The following ANXA4 variants were observed in gnomAD, a reference collection of about 807,000 sequenced individuals.
ANXA4 encodes annexin A4.
ANXA4 carries 39 observed loss-of-function variants against 49.8 expected under a neutral mutation model. That is an observed-to-expected ratio of 0.78 (90% confidence interval 0.61 to 1.02). ANXA4 has a LOEUF of 1.02. ANXA4 is among the 50% of genes least tolerant of loss of function. The pLI is 0.00. For missense variants in ANXA4, 360 were observed against 410.1 expected, an observed-to-expected ratio of 0.88 and a Z score of 1.05; for synonymous variants, 134 against 152.5, an observed-to-expected ratio of 0.88 and a Z score of 0.89.
rs1412039137 is a variant in ANXA4, at chr2:69,816,099, A to G, written c.535-2A>G. On this transcript the variant is annotated splice_acceptor_variant, in intron 8 of 12. Coordinates refer to ENST00000394295, the MANE Select transcript of ANXA4 (RefSeq NM_001153.5). LOFTEE classifies it high-confidence loss of function. ...TTAGACCTGTGCTTTGTTTGGCTTC[A>G]GGACCTGTATGAGGCTGGAGAGAAG... 6.2e-7 allele frequency: 1 copy of G among 1,613,372 alleles called. No individual in the cohort carries two copies. The highest frequency in any genetic ancestry group is 1.7e-5 in the Admixed American group (1 of 60,018).
At chr2:69,702,588 C>T (rs7578107) in intron 2 of ANXA4, among the ~76,000 whole-genome samples, 36,269 of 151,790 alleles carry the variant, frequency 0.24, 5,265 homozygotes, top group African/African-American at 0.37. Context: ...GTGGTGTATA[C>T]CTGTGGTCTC....
chr2:69,820,722 CCTCATCAGAGTGATGGTTT>C lies in ANXA4; in HGVS notation c.811_829del (p.Ile271GlufsTer63). The stretch of plus-strand genomic sequence containing the variant: ...AGGGCTTGGGCACCGATGATAACAC[CCTCATCAGAGTGATGGTTT>C]CTCGAGCAGAAATTGACATGTTGGA... On this transcript the variant is annotated frameshift_variant, in exon 12 of 13. Transcript: ENST00000394295. LOFTEE classifies it high-confidence loss of function. The C allele has an allele frequency of 6.2e-7, 1 of 1,613,970 alleles. No homozygotes were observed. Among genetic ancestry groups the C allele is most frequent in the Non-Finnish European group, 8.5e-7 (1 of 1,179,942 alleles).
At position 69,714,649 on chromosome 2, in the gene ANXA4, G is replaced by A. The variant is rs534607057; in HGVS notation, n.767-6125G>A. Among the ~76,000 whole-genome samples the A allele has an allele frequency of 5.3e-5, 8 of 152,324 alleles. No homozygotes were observed. In the South Asian group the frequency reaches 1.7e-3, roughly 32 times the overall value. On this transcript the variant is annotated intron_variant and non_coding_transcript_variant, in intron 2 of 3. Coordinates refer to the ANXA4 transcript ENST00000418066. The stretch of plus-strand genomic sequence containing the variant: ...ATGGGAGAGGGCCTGCGTTGGGCCA[G>A]ATCCCAGAGCTGGGGCCTAATTTGT...
intron 3 of ANXA4, among the ~76,000 whole-genome samples, chr2:69,790,680 C>T (rs1243815908): frequency 6.6e-6 from 1 of 152,128 alleles, no homozygotes; most frequent in Non-Finnish European, 1.5e-5. Context: ...TCTAGTTTAC[C>T]TGGCAGGATT....
chr2:69,755,623 T>C (rs1671012951), intron 1 of ANXA4, among the ~76,000 whole-genome samples: 1 of 152,198 alleles, frequency 6.6e-6, no homozygotes, highest in South Asian at 2.1e-4. Flanking sequence ...AAAAATTTTT[T>C]TAATGGTTAA....
intron 1 of ANXA4, among the ~76,000 whole-genome samples, chr2:69,757,281 T>A (rs1162604354): frequency 1.2e-3 from 151 of 121,380 alleles, no homozygotes; most frequent in African/African-American, 5.5e-3. Context: ...TTTTTTTTTT[T>A]TTTTTTTTAG....
At chr2:69,760,501 A>G (rs1671239320) in intron 1 of ANXA4, among the ~76,000 whole-genome samples, 1 of 152,188 alleles carries the variant, frequency 6.6e-6, no homozygotes, top group Non-Finnish European at 1.5e-5. Flanking sequence ...TTAGAATGCT[A>G]TGTTTTTCTG....
At chr2:69,730,179 T>C (rs1292547879) in intron 3 of ANXA4, among the ~76,000 whole-genome samples, 1 of 151,528 alleles carries the variant, frequency 6.6e-6, no homozygotes, top group African/African-American at 2.4e-5. Flanking sequence ...ACCTCTACTT[T>C]TATTTAAAAA....
At chr2:69,789,745 T>G (rs899862748) in intron 3 of ANXA4, among the ~76,000 whole-genome samples, 5 of 152,182 alleles carry the variant, frequency 3.3e-5, no homozygotes, top group Non-Finnish European at 5.9e-5. Flanking sequence ...GCCTTCTATA[T>G]AGAGCAGAGT....
intron 2 of ANXA4, among the ~76,000 whole-genome samples, chr2:69,786,872 C>T (rs192105059): frequency 2.0e-4 from 30 of 152,212 alleles, no homozygotes; most frequent in African/African-American, 7.0e-4. Flanking sequence ...CAGGCCTGTG[C>T]CACCATGTGT....
At chr2:69,802,858 CA>C (rs1028698332) in intron 3 of ANXA4, among the ~76,000 whole-genome samples, 3 of 151,898 alleles carry the variant, frequency 2.0e-5, no homozygotes, top group Admixed American at 2.0e-4. Context: ...CTGAGAGTGC[CA>C]AGGGAGAAAT....
In ANXA4 at chr2:69,810,710, G is replaced by A. The variant is rs185042989; in HGVS notation, c.477+37G>A. 6.9e-5 allele frequency: 106 copies of A among 1,543,918 alleles called. 1 individual carries two copies. In the African/African-American group the frequency reaches 1.1e-3, roughly 15 times the overall value. ...CTTCTGATGGGGGGCGGGTTTTATC[G>A]AAATGTCCACTCTATCCCCTTTGCC... is the stretch of plus-strand genomic sequence containing the variant. On this transcript the variant is annotated intron_variant, in intron 7 of 12. Transcript: ENST00000394295.
chr2:69,757,238 T>TTATATATATATATATATA (rs869068494), intron 1 of ANXA4, among the ~76,000 whole-genome samples: 2 of 59,058 alleles, frequency 3.4e-5, no homozygotes, highest in African/African-American at 1.3e-4. Flanking sequence ...CATTTTTGTT[T>TTATATATATATATATATA]TATATATATA....
chr2:69,773,568 TG>T (rs1307447931), intron 1 of ANXA4, among the ~76,000 whole-genome samples: 2 of 151,792 alleles, frequency 1.3e-5, no homozygotes, highest in African/African-American at 4.8e-5. Context: ...TTTGTTTGTT[TG>T]TTTATCAATA....
chr2:69,766,138 G>T (rs956877897), intron 1 of ANXA4, among the ~76,000 whole-genome samples: 1 of 152,178 alleles, frequency 6.6e-6, no homozygotes, highest in African/African-American at 2.4e-5. Flanking sequence ...AACCACAAAG[G>T]AATCTAGTTT....
At chr2:69,700,439 G>C (rs1053917645) in intron 2 of ANXA4, 1 of 152,068 alleles carries the variant, frequency 6.6e-6, no homozygotes, top group Non-Finnish European at 1.5e-5. Context: ...CTACAAAAAG[G>C]TTTAAAAAGT....
chr2:69,792,873 A>G (rs1672752941), intron 3 of ANXA4, among the ~76,000 whole-genome samples: 1 of 152,190 alleles, frequency 6.6e-6, no homozygotes, highest in Non-Finnish European at 1.5e-5. Flanking sequence ...CTTTCAGCAT[A>G]GTTAGGGGCT....
At chr2:69,707,692 G>A (rs1223099230) in intron 2 of ANXA4, among the ~76,000 whole-genome samples, 1 of 152,046 alleles carries the variant, frequency 6.6e-6, no homozygotes, top group Non-Finnish European at 1.5e-5. Flanking sequence ...TATAAAATGG[G>A]GTATCCATCC....
At chr2:69,787,531 T>C (rs764727016) in intron 2 of ANXA4, among the ~76,000 whole-genome samples, 12 of 152,236 alleles carry the variant, frequency 7.9e-5, no homozygotes, top group African/African-American at 2.4e-4. Context: ...CTTGACTGGA[T>C]TCAGGTTTGA....
Sources: allele counts gnomAD v4.1 joint callset (sites outside exome capture counted in the v4.1 genomes callset), GRCh38; gene constraint gnomAD v4.1.1; transcripts MANE v1.5; gene names NCBI Gene and HGNC (gene_info 2026-07-23, HGNC 2026-07-21).